Variants in ALS2 observed in about 807,000 individuals in gnomAD.
ALS2 encodes the protein alsin Rho guanine nucleotide exchange factor ALS2.
Under a neutral mutation model 203.4 loss-of-function variants are expected in ALS2, and 117 were observed. The observed-to-expected ratio is 0.58, with a 90% CI of 0.50 to 0.67. The LOEUF (loss-of-function observed/expected upper bound fraction) is 0.67, where lower values mean the gene tolerates loss of function less well. ALS2 is among the 30% of genes least tolerant of loss of function. The pLI, the probability that ALS2 is intolerant of heterozygous loss-of-function variation, is 0.00. For synonymous variants in ALS2, 718 were observed against 725.9 expected, an observed-to-expected ratio of 0.99 and a Z score of 0.17; for missense variants, 1,715 against 1,989.4, an observed-to-expected ratio of 0.86 and a Z score of 2.62.
At chr2:201,744,140 A>C (rs1250764641) in intron 10 of ALS2, 118 bp downstream of exon 10, 34 of 1,165,408 alleles carry the variant, frequency 2.9e-5, no homozygotes, top group Non-Finnish European at 3.9e-5. Flanking sequence ...CACACACACA[A>C]AGACAGTGCA....
intron 5 of ALS2, among the ~76,000 whole-genome samples, chr2:201,755,198 G>A (rs1443139263): frequency 6.6e-6 from 1 of 152,176 alleles, no homozygotes; most frequent in Non-Finnish European, 1.5e-5. Flanking sequence ...TGAGGTTATA[G>A]TGTGTTATGA....
chr2:201,762,412 T>C (rs1340607550), intron 3 of ALS2, among the ~76,000 whole-genome samples: 10 of 152,230 alleles, frequency 6.6e-5, no homozygotes, highest in African/African-American at 2.2e-4. Flanking sequence ...TATATAGTTT[T>C]GAGATGTTAC....
chr2:201,725,002 A>G (rs900210161), intron 20 of ALS2, among the ~76,000 whole-genome samples: 1 of 151,654 alleles, frequency 6.6e-6, no homozygotes, highest in Non-Finnish European at 1.5e-5. Flanking sequence ...AGTCCCACCT[A>G]CTCGGGAGGC....
At chr2:201,767,862 TG>T in intron 2 of ALS2, among the ~76,000 whole-genome samples, 1 of 77,594 alleles carries the variant, frequency 1.3e-5, no homozygotes, top group East Asian at 4.4e-4. Flanking sequence ...AGCAAGACTC[TG>T]TCTAAAAAAA....
Position 201,725,108 on chromosome 2 carries a change from A to G in ALS2, c.3347+248T>C, listed in dbSNP as rs147764281. ...AGCCTGGGTGACAGAGCGAGACTTC[A>G]TCTCAAAAAAAAAAAAAAAAATTTA... On this transcript the variant is annotated intron_variant, in intron 20 of 33. Transcript: ENST00000264276. 0.085 allele frequency among the ~76,000 whole-genome samples: 12,662 copies of G among 149,354 alleles called. 607 individuals are homozygous for G. Among genetic ancestry groups the G allele is most frequent in the African/African-American group, 0.11 (4,487 of 40,626 alleles).
intron 25 of ALS2, among the ~76,000 whole-genome samples, chr2:201,713,012 G>T (rs925037106): frequency 6.6e-6 from 1 of 152,028 alleles, no homozygotes; most frequent in African/African-American, 2.4e-5. Flanking sequence ...TTTTTCCCAA[G>T]ATGGAGTTTG....
Position 201,704,445 on chromosome 2 carries a change from A to G in ALS2, c.4838+9T>C. ...CGACTCACTAATAACAAAGTCATAA[A>G]ACAGTTACCTGGCCCGTAGCACCAC... On this transcript the variant is annotated intron_variant, in intron 32 of 33. Coordinates refer to ENST00000264276, the MANE Select transcript of ALS2 (RefSeq NM_020919.4). The G allele has an allele frequency of 6.2e-7, 1 of 1,614,080 alleles. No homozygotes were observed.
intron 11 of ALS2, among the ~76,000 whole-genome samples, chr2:201,739,404 G>T (rs1692115823): frequency 6.6e-6 from 1 of 151,960 alleles, no homozygotes; most frequent in Non-Finnish European, 1.5e-5. Flanking sequence ...TTGAATTTTT[G>T]ATGAAAATTT....
At chr2:201,745,885 G>T (rs1692609044) in intron 9 of ALS2, among the ~76,000 whole-genome samples, 1 of 152,142 alleles carries the variant, frequency 6.6e-6, no homozygotes, top group Admixed American at 6.5e-5. Context: ...GGAGGCAGAG[G>T]TTGCAATGGG....
intron 30 of ALS2, 51 bp from the exon 31 acceptor site, chr2:201,705,251 C>G (rs1224164810): frequency 6.4e-7 from 1 of 1,573,726 alleles, no homozygotes; most frequent in South Asian, 1.1e-5. Context: ...TCTGCAACAA[C>G]AGAAATAAAT....
intron 10 of ALS2, among the ~76,000 whole-genome samples, chr2:201,742,129 G>A (rs993285055): frequency 6.6e-6 from 1 of 152,138 alleles, no homozygotes; most frequent in Non-Finnish European, 1.5e-5. Context: ...TTAAAGATGA[G>A]CCAAATTTGA....
intron 1 of ALS2, among the ~76,000 whole-genome samples, chr2:201,773,981 T>G (rs1210272176): frequency 1.3e-5 from 2 of 152,172 alleles, no homozygotes; most frequent in Admixed American, 6.5e-5. Flanking sequence ...TCTCAGTGGT[T>G]TGTTTGGGCA....
chr2:201,740,778 T>C (rs944650724), intron 11 of ALS2, among the ~76,000 whole-genome samples: 1 of 152,240 alleles, frequency 6.6e-6, no homozygotes, highest in African/African-American at 2.4e-5. Context: ...GGTAGGATTA[T>C]GGGTGATTTT....
At chr2:201,747,988 T>G (rs532395194) in intron 8 of ALS2, among the ~76,000 whole-genome samples, 2 of 152,304 alleles carry the variant, frequency 1.3e-5, no homozygotes, top group East Asian at 3.9e-4. Context: ...AGAAAGTGTG[T>G]TACTGCAAAA....
chr2:201,722,803 G>T, intron 23 of ALS2: 1 of 535,262 alleles, frequency 1.9e-6, no homozygotes, highest in Non-Finnish European at 3.3e-6. Flanking sequence ...TTAGTGGTTG[G>T]CTGGGACTTT....
intron 3 of ALS2, chr2:201,765,406 A>G (rs1367342677): frequency 6.0e-6 from 1 of 165,374 alleles, no homozygotes; most frequent in Non-Finnish European, 1.5e-5. Context: ...TTGCTTGAGA[A>G]CTATATATTT....
chr2:201,733,026 A>T (rs7566665), intron 13 of ALS2, among the ~76,000 whole-genome samples: 1,845 of 152,342 alleles, frequency 0.012, 35 homozygotes, highest in African/African-American at 0.04. Flanking sequence ...TCTCAACTTT[A>T]GACAGTTTCA....
At position 201,764,844 on chromosome 2, in the gene ALS2, G is replaced by A. The variant is rs185852195; in HGVS notation, c.175+2385C>T. Among the ~76,000 whole-genome samples the A allele has an allele frequency of 3.3e-5, 5 of 152,208 alleles. No individual in the cohort carries two copies. In the East Asian group the frequency reaches 7.7e-4, roughly 23 times the overall value. On this transcript the variant is annotated intron_variant, in intron 3 of 33. Coordinates refer to ENST00000264276, the MANE Select transcript of ALS2 (RefSeq NM_020919.4). ...TTTCAAACATACACTTGTGTTAGAC[G>A]ACGTTTTCTTTTGGTAACTGTGACA...
chr2:201,702,434 A>C (rs1220333489), intron 33 of ALS2, among the ~76,000 whole-genome samples: 1 of 152,156 alleles, frequency 6.6e-6, no homozygotes, highest in African/African-American at 2.4e-5. Context: ...CTTAGGATAA[A>C]TCCCCAGGAG....
Sources: allele counts gnomAD v4.1 joint callset (sites outside exome capture counted in the v4.1 genomes callset), GRCh38; gene constraint gnomAD v4.1.1; transcripts MANE v1.5; gene names NCBI Gene and HGNC (gene_info 2026-07-23, HGNC 2026-07-21).